GALNT17: variants seen among roughly 807,000 people sequenced by gnomAD.
GALNT17 encodes polypeptide N-acetylgalactosaminyltransferase 17.
In GALNT17, 29 loss-of-function variants were observed where a neutral mutation model predicts 63.7. The ratio of observed to expected loss-of-function variants is 0.46; its 90% CI spans 0.34 to 0.62. The LOEUF is 0.62. Among genes scored for constraint, GALNT17 ranks in the 20% least tolerant of loss-of-function variants. GALNT17 has a pLI of 0.01. For synonymous variants in GALNT17, 305 were observed against 318.3 expected, an observed-to-expected ratio of 0.96 and a Z score of 0.45; for missense variants, 603 against 799.6, an observed-to-expected ratio of 0.75 and a Z score of 2.97.
At chr7:71,339,196 C>T (rs1299885926) in intron 2 of GALNT17, among the ~76,000 whole-genome samples, 1 of 152,178 alleles carries the variant, frequency 6.6e-6, no homozygotes, top group Non-Finnish European at 1.5e-5. Context: ...AGTTTTCTCC[C>T]CACTGGAGAT....
At chr7:71,635,365 G>A (rs1790514309) in intron 6 of GALNT17, among the ~76,000 whole-genome samples, 1 of 152,186 alleles carries the variant, frequency 6.6e-6, no homozygotes, top group African/African-American at 2.4e-5. Flanking sequence ...TGTTAATGCT[G>A]GAGAGATATC....
intron 2 of GALNT17, among the ~76,000 whole-genome samples, chr7:71,338,578 C>G (rs1791954113): frequency 6.6e-6 from 1 of 151,996 alleles, no homozygotes; most frequent in South Asian, 2.1e-4. Context: ...TTTGTGCTCT[C>G]AGATTTAAGA....
intron 9 of GALNT17, among the ~76,000 whole-genome samples, chr7:71,698,080 G>A (rs138261896): frequency 2.6e-4 from 36 of 138,478 alleles, no homozygotes; most frequent in African/African-American, 9.3e-4. Flanking sequence ...CCATGATCAC[G>A]CCACTGCACT....
chr7:71,227,556 G>GT (rs1196138153), intron 1 of GALNT17, among the ~76,000 whole-genome samples: 3 of 152,020 alleles, frequency 2.0e-5, no homozygotes, highest in East Asian at 1.9e-4. Flanking sequence ...CCATGATTAT[G>GT]TTTTTTTGGC....
intron 3 of GALNT17, among the ~76,000 whole-genome samples, chr7:71,393,910 C>G (rs1290850522): frequency 6.6e-6 from 1 of 152,122 alleles, no homozygotes; most frequent in African/African-American, 2.4e-5. Flanking sequence ...TCTTTTGGCA[C>G]CATCTGATAT....
At chr7:71,470,888 A>G (rs1277980824) in intron 5 of GALNT17, among the ~76,000 whole-genome samples, 1 of 152,092 alleles carries the variant, frequency 6.6e-6, no homozygotes, top group South Asian at 2.1e-4. Flanking sequence ...ATGCAGTAAT[A>G]TACTGGAATC....
At chr7:71,658,206 C>T (rs915180312) in intron 6 of GALNT17, among the ~76,000 whole-genome samples, 1 of 152,116 alleles carries the variant, frequency 6.6e-6, no homozygotes, top group Non-Finnish European at 1.5e-5. Context: ...TGCGCTGGGC[C>T]TAGTGAAAGT....
At chr7:71,249,021 A>G (rs1028771390) in intron 1 of GALNT17, among the ~76,000 whole-genome samples, 2 of 152,236 alleles carry the variant, frequency 1.3e-5, no homozygotes, top group Non-Finnish European at 2.9e-5. Flanking sequence ...AATTCAGTCA[A>G]CAGTAGCTGG....
intron 6 of GALNT17, among the ~76,000 whole-genome samples, chr7:71,658,033 T>G (rs1005145384): frequency 1.3e-5 from 2 of 151,900 alleles, no homozygotes; most frequent in Admixed American, 1.3e-4. Context: ...GCCTCCTGAG[T>G]AGATGAGACC....
At chr7:71,699,194 A>AAAAAG (rs1791590415) in intron 9 of GALNT17, among the ~76,000 whole-genome samples, 1 of 141,450 alleles carries the variant, frequency 7.1e-6, no homozygotes, top group African/African-American at 2.7e-5. Context: ...AAAAAAAAAA[A>AAAAAG]AATGACCAGG....
rs1789560849 is a variant in GALNT17, at chr7:71,220,331, G to A, written c.238+87291G>A. Among the ~76,000 whole-genome samples the A allele has an allele frequency of 2.0e-5, 3 of 152,182 alleles. No homozygotes were observed. The South Asian group carries it at 6.2e-4, about 31-fold the overall frequency. ...TCAAAAGGCCAGTTGGGAGGTGGGG[G>A]AATTCTTGCTTCAGTTTATCTTGGC... On this transcript the variant is annotated intron_variant, in intron 1 of 10. Coordinates refer to ENST00000333538, the MANE Select transcript of GALNT17 (RefSeq NM_022479.3).
At chr7:71,267,550 A>T (rs953764634) in intron 1 of GALNT17, among the ~76,000 whole-genome samples, 1 of 152,124 alleles carries the variant, frequency 6.6e-6, no homozygotes, top group African/African-American at 2.4e-5. Flanking sequence ...CCTTTGAGAT[A>T]TTTCTCTCAT....
intron 1 of GALNT17, among the ~76,000 whole-genome samples, chr7:71,308,472 C>T (rs141948622): frequency 4.0e-4 from 61 of 152,074 alleles, no homozygotes; most frequent in African/African-American, 1.4e-3. Flanking sequence ...TAGGATTTTT[C>T]GAACATTCTA....
chr7:71,360,892 C>G (rs533024318), intron 2 of GALNT17, among the ~76,000 whole-genome samples: 1 of 152,276 alleles, frequency 6.6e-6, no homozygotes, highest in African/African-American at 2.4e-5. Context: ...GAGCCAAGGT[C>G]GTGGCACTAC....
chr7:71,426,925 T>C (rs1037822472), intron 5 of GALNT17, among the ~76,000 whole-genome samples: 3 of 150,922 alleles, frequency 2.0e-5, no homozygotes, highest in African/African-American at 7.3e-5. Context: ...AGACTCCGTC[T>C]CAAAAAAAAA....
chr7:71,455,635 A>G (rs538238258), intron 5 of GALNT17, among the ~76,000 whole-genome samples: 2 of 152,208 alleles, frequency 1.3e-5, no homozygotes, highest in South Asian at 2.1e-4. Flanking sequence ...GGATGAGCCA[A>G]CAGTTCTTGT....
intron 1 of GALNT17, among the ~76,000 whole-genome samples, chr7:71,228,334 C>T (rs556658500): frequency 6.6e-6 from 1 of 152,284 alleles, no homozygotes; most frequent in Admixed American, 6.5e-5. Context: ...TGGAATCAAC[C>T]GTCCACCTCC....
chr7:71,699,481 A>G (rs1207000132), intron 9 of GALNT17, among the ~76,000 whole-genome samples: 1 of 151,636 alleles, frequency 6.6e-6, no homozygotes, highest in East Asian at 1.9e-4. Flanking sequence ...GTCTCAAAAA[A>G]AAAAAAAACC....
intron 5 of GALNT17, among the ~76,000 whole-genome samples, chr7:71,560,498 T>A (rs1789238780): frequency 6.6e-6 from 1 of 151,924 alleles, no homozygotes; most frequent in African/African-American, 2.4e-5. Context: ...GTGTCTCCCG[T>A]GGGAAAGTGA....
Sources: gnomAD v4.1 joint callset for allele counts (sites outside exome capture counted in the v4.1 genomes callset) on GRCh38, gnomAD v4.1.1 for gene constraint, MANE v1.5 for transcripts, NCBI Gene and HGNC (gene_info 2026-07-23, HGNC 2026-07-21) for gene names.